The following PPM1M variants were observed in gnomAD, a reference collection of about 807,000 sequenced individuals.
PPM1M encodes the protein protein phosphatase, Mg2+/Mn2+ dependent 1M.
A neutral mutation model predicts 50.8 loss-of-function variants in PPM1M; 44 were observed. The observed-to-expected ratio is 0.87, with a 90% confidence interval of 0.68 to 1.11. The LOEUF is 1.11. Among genes scored for constraint, PPM1M ranks in the 50% most tolerant of loss-of-function variants. The pLI is 0.00. For missense variants in PPM1M, 556 were observed against 593.4 expected (o/e 0.94, Z 0.66); for synonymous variants, 224 against 242.9 (o/e 0.92, Z 0.72).
rs764649883 is a variant in PPM1M, at chr3:52,248,363, G to C, written c.824G>C (p.Gly275Ala). 1 of 1,613,322 alleles carries C rather than the reference G, an allele frequency of 6.2e-7. No homozygotes were observed. Among genetic ancestry groups the C allele is most frequent in the Non-Finnish European group, 8.5e-7 (1 of 1,179,658 alleles). Reference protein sequence around the residue: ...LAFVYPELLAGEFTRLEFPRR... With the variant: ...LAFVYPELLAAEFTRLEFPRR... ...TTTGTCTATCCTGAGCTTCTGGCTG[G>C]TGAGTTCACCCGACTGGAGTTCCCT... Residue 275 changes from glycine to alanine, a missense_variant, in exon 6 of 10, where the codon GGT (glycine) becomes GCT (alanine). Transcript: ENST00000323588.
At chr3:52,249,468 G>A (rs1699924717) in intron 9 of PPM1M, 146 bp downstream of exon 9, 18 of 1,274,342 alleles carry the variant, frequency 1.4e-5, no homozygotes, top group Non-Finnish European at 2.0e-5. Flanking sequence ...AGGAGGCAGG[G>A]AGACCGTGGG....
At chr3:52,246,420 G>A in intron 1 of PPM1M, 1 of 1,032,464 alleles carries the variant, frequency 9.7e-7, no homozygotes, top group East Asian at 6.3e-5. Flanking sequence ...TTTGGGCTGC[G>A]ACAGGACAGG....
Position 52,248,326 on chromosome 3 carries a change from C to T in PPM1M, c.796-9C>T. ...GGAGTATGACCTGAGCGCAGCCTCCCCACCCCAGGCCTTTGTCTATCCTGA... is the reference window on the plus strand; with the variant it reads ...GGAGTATGACCTGAGCGCAGCCTCCTCACCCCAGGCCTTTGTCTATCCTGA... On this transcript the variant is annotated splice_polypyrimidine_tract_variant and intron_variant, in intron 5 of 9. Coordinates refer to ENST00000323588, the MANE Select transcript of PPM1M (RefSeq NM_144641.4). The T allele has an allele frequency of 1.2e-6, 2 of 1,608,930 alleles. No individual in the cohort carries two copies. Among genetic ancestry groups the T allele is most frequent in the Non-Finnish European group, 1.7e-6 (2 of 1,177,394 alleles).
rs1699901511 is a variant in PPM1M, at chr3:52,248,420, A to C, written c.881A>C (p.Lys294Thr). 6.2e-7 allele frequency: 1 copy of C among 1,613,604 alleles called. No homozygotes were observed. The highest frequency in any genetic ancestry group is 8.5e-7 in the Non-Finnish European group (1 of 1,179,812). The change falls in exon 6 of 10, where the codon AAG (lysine) becomes ACG (threonine). Residue 294 changes from lysine (K) to threonine (T), a missense_variant. Physicochemically the swap from Lys to Thr is moderately conservative, Grantham distance 78. Coordinates refer to ENST00000323588, the MANE Select transcript of PPM1M (RefSeq NM_144641.4). ...RRLKGDDLGQ[K>T]VLFRDHHMSG... is the part of the protein sequence containing the mutation. ...CTGAAGGGGGATGACTTGGGACAGAAGGTTTTGTTCAGGGATCACCACATG... is the reference window on the plus strand; with the variant it reads ...CTGAAGGGGGATGACTTGGGACAGACGGTTTTGTTCAGGGATCACCACATG...
At chr3:52,246,214 C>T (rs1342716166) in intron 1 of PPM1M, 166 bp downstream of exon 1, 1 of 1,010,866 alleles carries the variant, frequency 9.9e-7, no homozygotes, top group Non-Finnish European at 1.2e-6. Flanking sequence ...GTCATCCCGA[C>T]CCAGCGTTTT....
intron 1 of PPM1M, chr3:52,246,313 C>G (rs976654417): frequency 3.7e-5 from 38 of 1,034,674 alleles, no homozygotes; most frequent in Admixed American, 5.3e-5. Flanking sequence ...CCCAGAGACT[C>G]GGTAGAGTTC....
In PPM1M at chr3:52,248,715, C is replaced by T. The variant is rs1288807068; in HGVS notation, c.978+15C>T. Reference sequence around the variant, plus strand: ...AGGGTAGGCAGGTCAGTGCCTGGTCCTCCTCAACCCCAAGAATCCCTCTTC... The same window carrying T: ...AGGGTAGGCAGGTCAGTGCCTGGTCTTCCTCAACCCCAAGAATCCCTCTTC... On this transcript the variant is annotated intron_variant, in intron 7 of 9. Transcript: ENST00000323588. The T allele has an allele frequency of 6.2e-7, 1 of 1,612,762 alleles. No individual in the cohort carries two copies.
chr3:52,248,481 A>G (rs1424220534), intron 6 of PPM1M, 28 bp downstream of exon 6: 3 of 1,604,162 alleles, frequency 1.9e-6, no homozygotes, highest in Non-Finnish European at 2.6e-6. Context: ...ACAGGTAGGA[A>G]GGGAGACCCC....
intron 3 of PPM1M, 166 bp downstream of exon 3, chr3:52,247,394 C>G: frequency 9.9e-7 from 1 of 1,006,536 alleles, no homozygotes. Flanking sequence ...CAGCATAACC[C>G]CTCTCATTTA....
At chr3:52,249,588 C>T in intron 9 of PPM1M, 82 bp from the exon 10 acceptor site, 3 of 1,581,590 alleles carry the variant, frequency 1.9e-6, no homozygotes, top group Non-Finnish European at 2.6e-6. Flanking sequence ...CCATGTCCAG[C>T]CTTGTGCAGT....
rs368604549 is a variant in PPM1M at position 52,247,647 on chromosome 3, C to A, written c.598-35C>A. 27 of 1,352,156 alleles carry A rather than the reference C, an allele frequency of 2.0e-5. No homozygotes were observed. In the African/African-American group the frequency reaches 3.7e-4, roughly 19 times the overall value. The allele number at this position is 1,352,156 out of a possible 1,614,324, so 83.8% of individuals were successfully genotyped here. Reference sequence around the variant, plus strand: ...GAGACAAAGTAGTATGGTGGCAGAACAGGCAGCAGCTAAGGTGGCCTCGGT... The same window carrying A: ...GAGACAAAGTAGTATGGTGGCAGAAAAGGCAGCAGCTAAGGTGGCCTCGGT... On this transcript the variant is annotated intron_variant, in intron 3 of 9. Coordinates refer to ENST00000323588, the MANE Select transcript of PPM1M (RefSeq NM_144641.4).
At chr3:52,246,919 CAG>C (rs1699866938) in intron 2 of PPM1M, 53 bp from the exon 3 acceptor site, 8 of 1,522,482 alleles carry the variant, frequency 5.3e-6, no homozygotes, top group Non-Finnish European at 7.1e-6. Context: ...TAGGTTGCGT[CAG>C]GGGACAAGTG....
rs1415213023 is a variant in PPM1M at position 52,245,978 on chromosome 3, C to T, written c.154C>T (p.Arg52Cys). The T allele has an allele frequency of 8.0e-6, 10 of 1,249,824 alleles. No homozygotes were observed. Among genetic ancestry groups the T allele is most frequent in the South Asian group, 3.9e-5 (3 of 76,258 alleles). 77.4% of individuals were successfully genotyped at this position (1,249,824 alleles called of 1,614,324 possible). Residue 52 changes from arginine to cysteine, a missense_variant, in exon 1 of 10, where the codon CGC becomes TGC. Arg to Cys is a radical substitution (Grantham distance 180). Coordinates refer to ENST00000323588, the MANE Select transcript of PPM1M (RefSeq NM_144641.4). The surrounding 1 kb of genome is among the most constrained non-coding windows in gnomAD (Gnocchi z 4.8). ...CCCCGGGGCGGCCGACGCCTCGCGC[C>T]GCCCAGACTCCCGGCCCGTGCGCAG... is the stretch of plus-strand genomic sequence containing the variant. Reference protein sequence around the residue: ...SSPGAADASRRPDSRPVRSPA... With the variant: ...SSPGAADASRCPDSRPVRSPA...
At position 52,249,082 on chromosome 3, in the gene PPM1M, C is replaced by G; in HGVS notation, c.1086+19C>G. 1 of 1,607,922 alleles carries G rather than the reference C, an allele frequency of 6.2e-7. No homozygotes were observed. Among genetic ancestry groups the G allele is most frequent in the Non-Finnish European group, 8.5e-7 (1 of 1,176,920 alleles). ...GCCACAGGTAAGGGGGCAACGCTGT[C>G]CAACCCAGCTTCCATCTGCCCAGAA... is the stretch of plus-strand genomic sequence containing the variant. On this transcript the variant is annotated intron_variant, in intron 8 of 9. Transcript: ENST00000323588.
chr3:52,245,859 C>A lies in PPM1M; in HGVS notation c.35C>A (p.Pro12His). 1 of 1,092,246 alleles carries A rather than the reference C, an allele frequency of 9.2e-7. No homozygotes were observed. The highest frequency in any genetic ancestry group is 2.2e-5 in the South Asian group (1 of 44,848). 67.7% of individuals were successfully genotyped at this position (1,092,246 alleles called of 1,614,324 possible). A position where few individuals can be genotyped will look rare whatever the true frequency, so the allele number is the denominator to read the frequency against. ...GGCTGGTTCCGGCGCCGCTTCCTGC[C>A]TGGGGAGCCGCTCCCCGCGCCGCGG... ...SAGWFRRRFL[P>H]GEPLPAPRPP... is the part of the protein sequence containing the mutation. The change falls in exon 1 of 10, where the codon CCT becomes CAT. Residue 12 changes from proline (P) to histidine (H), a missense_variant. Physicochemically the swap from Pro to His is moderately conservative, Grantham distance 77. Coordinates refer to ENST00000323588, the MANE Select transcript of PPM1M (RefSeq NM_144641.4). The surrounding 1 kb of genome is among the most constrained non-coding windows in gnomAD (Gnocchi z 4.8).
chr3:52,248,666 T>C lies in PPM1M; in HGVS notation c.944T>C (p.Leu315Pro). The change falls in exon 7 of 10, where the codon CTC (leucine) becomes CCC (proline). Residue 315 changes from leucine to proline, a missense_variant. Coordinates refer to ENST00000323588, the MANE Select transcript of PPM1M (RefSeq NM_144641.4). The stretch of plus-strand genomic sequence containing the variant: ...TACAAACGTGTGGAGAAATCGGATC[T>C]CAAGTACCCACTGATCCATGGACAG... ...WSYKRVEKSDLKYPLIHGQGR... is the reference protein window; with the variant it reads ...WSYKRVEKSDPKYPLIHGQGR... The C allele has an allele frequency of 1.9e-6, 3 of 1,613,846 alleles. No homozygotes were observed. Among genetic ancestry groups the C allele is most frequent in the Non-Finnish European group, 2.5e-6 (3 of 1,179,830 alleles).
At position 52,247,013 on chromosome 3, in the gene PPM1M, G is replaced by A. The variant is rs534605511; in HGVS notation, c.382G>A (p.Gly128Ser). The A allele has an allele frequency of 1.5e-5, 23 of 1,549,056 alleles. No homozygotes were observed. Among genetic ancestry groups the A allele is most frequent in the Middle Eastern group, 3.4e-4 (2 of 5,964 alleles). ...TTACTGGGCACTGTTCGATGGGCAC[G>A]GCGGTCCTGCAGCAGCCATCTTGGC... ...GHYWALFDGHGGPAAAILAAN... is the reference protein window; with the variant it reads ...GHYWALFDGHSGPAAAILAAN... The change falls in exon 3 of 10, where the codon GGC (glycine) becomes AGC (serine). Residue 128 changes from glycine (G) to serine (S), a missense_variant. Gly to Ser is a moderately conservative substitution (Grantham distance 56, BLOSUM62 0). Transcript: ENST00000323588.
Position 52,249,950 on chromosome 3 carries a change from A to G in PPM1M, c.*136A>G, listed in dbSNP as rs759187391. 3.3e-5 allele frequency: 24 copies of G among 733,194 alleles called. No homozygotes were observed. The highest frequency in any genetic ancestry group is 5.4e-5 in the South Asian group (3 of 55,472). The allele number at this position is 733,194 out of a possible 1,614,324, so 45.4% of individuals were successfully genotyped here. A position where few individuals can be genotyped will look rare whatever the true frequency, so the allele number is the denominator to read the frequency against. On this transcript the variant is annotated 3_prime_UTR_variant, in exon 10 of 10. Coordinates refer to ENST00000323588, the MANE Select transcript of PPM1M (RefSeq NM_144641.4). ...GTGCTCTCACTATCCACCTCAACAC[A>G]CATCCATCTCAAGAGGAACATTTAT...
chr3:52,249,544 C>G (rs995007337), intron 9 of PPM1M, 126 bp from the exon 10 acceptor site: 4 of 1,424,900 alleles, frequency 2.8e-6, no homozygotes, highest in Non-Finnish European at 3.8e-6. Flanking sequence ...TTGCTGCTTG[C>G]TTGGTCCACA....
Sources: gnomAD v4.1 joint callset for allele counts on GRCh38, gnomAD v4.1.1 for gene constraint, Gnocchi (gnomAD v3.1) non-coding constraint, MANE v1.5 for transcripts, NCBI Gene and HGNC (gene_info 2026-07-23, HGNC 2026-07-21) for gene names.